The following ITPR1 variants were observed in gnomAD, a reference collection of about 807,000 sequenced individuals.
The protein encoded by ITPR1 is inositol 1,4,5-trisphosphate-gated calcium channel ITPR1.
ITPR1 carries 96 observed loss-of-function variants against 318.4 expected under a neutral mutation model. The observed-to-expected ratio is 0.30, with a 90% CI of 0.26 to 0.36. ITPR1 has a LOEUF of 0.36. Among genes scored for constraint, ITPR1 ranks in the 10% least tolerant of loss-of-function variants. The probability of loss-of-function intolerance (pLI) is 1.00; values close to 1 mark genes in which losing one functional copy is unlikely to be tolerated. For missense variants in ITPR1, 2,440 were observed against 3,460.2 expected (o/e 0.71, Z 7.40); for synonymous variants, 1,312 against 1,289.9 (o/e 1.02, Z -0.37).
At chr3:4,743,784 C>T (rs2043873961) in intron 44 of ITPR1, among the ~76,000 whole-genome samples, 1 of 152,184 alleles carries the variant, frequency 6.6e-6, no homozygotes, top group Non-Finnish European at 1.5e-5. Flanking sequence ...ATGTTAATCT[C>T]CTTCCTTTCT....
At chr3:4,504,092 C>G (rs912674787) in intron 2 of ITPR1, among the ~76,000 whole-genome samples, 1 of 152,178 alleles carries the variant, frequency 6.6e-6, no homozygotes, top group Non-Finnish European at 1.5e-5. Flanking sequence ...CTCACCAAAT[C>G]TGCAGCTCTT....
intron 4 of ITPR1, among the ~76,000 whole-genome samples, chr3:4,603,887 T>C (rs1038514460): frequency 4.6e-5 from 7 of 152,196 alleles, no homozygotes; most frequent in Non-Finnish European, 1.0e-4. Context: ...TGAGTGATAG[T>C]TCTGTTTTAA....
chr3:4,657,766 G>T (rs369375637), intron 12 of ITPR1, among the ~76,000 whole-genome samples: 2 of 152,106 alleles, frequency 1.3e-5, no homozygotes, highest in African/African-American at 4.8e-5. Flanking sequence ...CAGCCAGCCT[G>T]GGCTAATTTT....
At chr3:4,610,918 TCC>T (rs2092042487) in intron 4 of ITPR1, among the ~76,000 whole-genome samples, 1 of 87,250 alleles carries the variant, frequency 1.1e-5, no homozygotes, top group Non-Finnish European at 2.2e-5. Context: ...TCCTTCTCCT[TCC>T]CTTCCCTTCC....
chr3:4,743,838 T>G (rs2043879380), intron 44 of ITPR1, among the ~76,000 whole-genome samples: 3 of 152,122 alleles, frequency 2.0e-5, no homozygotes, highest in African/African-American at 7.2e-5. Context: ...CGTTTGTCTG[T>G]TTGTTTGTTT....
At chr3:4,639,538 A>C in intron 6 of ITPR1, 68 bp downstream of exon 6, 1 of 1,168,998 alleles carries the variant, frequency 8.6e-7, no homozygotes, top group Non-Finnish European at 1.2e-6. Context: ...GGAAACAAAC[A>C]CCTAAGACAG....
chr3:4,643,754 CAT>C (rs1240087763), intron 7 of ITPR1, among the ~76,000 whole-genome samples: 1 of 151,926 alleles, frequency 6.6e-6, no homozygotes, highest in East Asian at 1.9e-4. Flanking sequence ...GTTTTAGAAA[CAT>C]AAAGTTATGG....
At chr3:4,808,304 G>C (rs915035211) in intron 55 of ITPR1, among the ~76,000 whole-genome samples, 5 of 152,222 alleles carry the variant, frequency 3.3e-5, no homozygotes, top group African/African-American at 1.2e-4. Context: ...GAGTCACACT[G>C]TCAGTAACTG....
At chr3:4,546,315 C>A (rs2084993200) in intron 4 of ITPR1, among the ~76,000 whole-genome samples, 1 of 152,134 alleles carries the variant, frequency 6.6e-6, no homozygotes, top group East Asian at 1.9e-4. Flanking sequence ...AGCACTCGAA[C>A]CTGTCATCTG....
chr3:4,761,341 G>T (rs2045432533), intron 44 of ITPR1, among the ~76,000 whole-genome samples: 1 of 152,092 alleles, frequency 6.6e-6, no homozygotes, highest in Non-Finnish European at 1.5e-5. Context: ...ATCTCTCACT[G>T]ACAAGTGAGA....
chr3:4,825,543 T>G (rs530720070), intron 60 of ITPR1, among the ~76,000 whole-genome samples: 1 of 152,336 alleles, frequency 6.6e-6, no homozygotes, highest in African/African-American at 2.4e-5. Context: ...AATTCAGTGC[T>G]ACTAAACATC....
chr3:4,819,621 C>T (rs1015231465), intron 60 of ITPR1, among the ~76,000 whole-genome samples: 2 of 152,134 alleles, frequency 1.3e-5, no homozygotes, highest in African/African-American at 2.4e-5. Context: ...TGGCCCTCTT[C>T]GGTTTGTAAA....
intron 4 of ITPR1, among the ~76,000 whole-genome samples, chr3:4,556,904 A>G (rs1311389058): frequency 6.6e-6 from 1 of 152,180 alleles, no homozygotes; most frequent in Non-Finnish European, 1.5e-5. Flanking sequence ...GAGTGCTGAT[A>G]ATATTATCAG....
At chr3:4,711,980 T>C (rs1574969762) in intron 39 of ITPR1, 112 bp downstream of exon 39, 1 of 526,926 alleles carries the variant, frequency 1.9e-6, no homozygotes, top group East Asian at 3.0e-5. Context: ...CTAGCTTTTT[T>C]TAAAAGAAAG....
chr3:4,612,842 C>T (rs943492009), intron 4 of ITPR1, among the ~76,000 whole-genome samples: 2 of 152,124 alleles, frequency 1.3e-5, no homozygotes, highest in Non-Finnish European at 2.9e-5. Context: ...AGCCAAGATC[C>T]TGCTCCTGCA....
In ITPR1 at chr3:4,602,919, C is replaced by T. The variant is rs1270608998; in HGVS notation, c.164-24844C>T. Among the ~76,000 whole-genome samples, 4 of 151,512 alleles carry T rather than the reference C, an allele frequency of 2.6e-5. No homozygotes were observed. In the East Asian group the frequency reaches 7.7e-4, roughly 29 times the overall value. The stretch of plus-strand genomic sequence containing the variant: ...GGGATAATGCAAATGTTCTGGAATT[C>T]GATAGTGGTGGTGGTACCAATCTGT... On this transcript the variant is annotated intron_variant, in intron 4 of 61. Coordinates refer to ENST00000649015, the MANE Select transcript of ITPR1 (RefSeq NM_001378452.1).
intron 61 of ITPR1, among the ~76,000 whole-genome samples, chr3:4,842,303 G>A: frequency 6.6e-6 from 1 of 152,240 alleles, no homozygotes; most frequent in East Asian, 1.9e-4. Context: ...TAGATGTGAA[G>A]AACAGCATTA....
chr3:4,606,786 A>G (rs1479974275), intron 4 of ITPR1, among the ~76,000 whole-genome samples: 1 of 152,140 alleles, frequency 6.6e-6, no homozygotes, highest in African/African-American at 2.4e-5. Context: ...CTCAGCTTTC[A>G]GGTTAATTTT....
At chr3:4,781,856 ACC>A (rs748489020) in intron 49 of ITPR1, among the ~76,000 whole-genome samples, 3 of 152,114 alleles carry the variant, frequency 2.0e-5, no homozygotes, top group Non-Finnish European at 4.4e-5. Context: ...GGTGGTGGAC[ACC>A]TGTAGTTCCA....
Sources: allele counts gnomAD v4.1 joint callset (sites outside exome capture counted in the v4.1 genomes callset), GRCh38; gene constraint gnomAD v4.1.1; transcripts MANE v1.5; gene names NCBI Gene and HGNC (gene_info 2026-07-23, HGNC 2026-07-21).